Variants in TBC1D19 observed in about 807,000 individuals in gnomAD.
The protein encoded by TBC1D19 is TBC1 domain family member 19.
TBC1D19 carries 60 observed loss-of-function variants against 89.0 expected under a neutral mutation model. That is an observed-to-expected ratio of 0.67 (90% CI 0.55 to 0.84). The LOEUF (loss-of-function observed/expected upper bound fraction) is 0.84, where lower values mean the gene tolerates loss of function less well. Ranked by LOEUF, TBC1D19 falls within the 40% of genes least tolerant of loss-of-function variation. The pLI, the probability that TBC1D19 is intolerant of heterozygous loss-of-function variation, is 0.00. For synonymous variants in TBC1D19, 189 were observed against 199.7 expected (o/e 0.95, Z 0.45); for missense variants, 500 against 610.8 (o/e 0.82, Z 1.91).
intron 13 of TBC1D19, among the ~76,000 whole-genome samples, chr4:26,703,169 A>C (rs1715466360): frequency 6.6e-6 from 1 of 152,212 alleles, no homozygotes; most frequent in Non-Finnish European, 1.5e-5. Flanking sequence ...ACATCTAAGC[A>C]TCTCTCTTTG....
intron 3 of TBC1D19, among the ~76,000 whole-genome samples, chr4:26,615,007 T>G (rs1430967128): frequency 6.6e-6 from 1 of 152,158 alleles, no homozygotes; most frequent in Non-Finnish European, 1.5e-5. Flanking sequence ...AACAATTCAT[T>G]TATCTAGTGT....
At chr4:26,635,179 AT>A (rs1392817335) in intron 4 of TBC1D19, among the ~76,000 whole-genome samples, 4 of 152,094 alleles carry the variant, frequency 2.6e-5, no homozygotes, top group African/African-American at 9.7e-5. Context: ...AATTAGAAGT[AT>A]TTTTTAATAA....
rs982246337 is a variant in TBC1D19 at position 26,666,381 on chromosome 4, G to A, written c.640G>A (p.Asp214Asn). ...CTTAAATATAGGACAACTGGGTATAGATGATTCTACACAAGTGCCTCCTGG... is the reference window on the plus strand; with the variant it reads ...CTTAAATATAGGACAACTGGGTATAAATGATTCTACACAAGTGCCTCCTGG... Reference protein sequence around the residue: ...LGLNIGQLGIDDSTQVPPELF... With the variant: ...LGLNIGQLGINDSTQVPPELF... The change falls in exon 9 of 21, where the codon GAT becomes AAT. Residue 214 changes from aspartate to asparagine, a missense_variant. Coordinates refer to ENST00000264866, the MANE Select transcript of TBC1D19 (RefSeq NM_018317.4). The A allele has an allele frequency of 6.2e-7, 1 of 1,610,538 alleles. No homozygotes were observed. Among genetic ancestry groups the A allele is most frequent in the African/African-American group, 1.3e-5 (1 of 74,818 alleles).
intron 13 of TBC1D19, among the ~76,000 whole-genome samples, chr4:26,712,134 A>T (rs989514545): frequency 6.6e-6 from 1 of 152,140 alleles, no homozygotes; most frequent in African/African-American, 2.4e-5. Flanking sequence ...AGGCAATAGT[A>T]GAAAGTTGTT....
chr4:26,688,108 A>G (rs1713973240), intron 12 of TBC1D19, among the ~76,000 whole-genome samples: 1 of 152,194 alleles, frequency 6.6e-6, no homozygotes, highest in African/African-American at 2.4e-5. Context: ...ATAAAATTGA[A>G]ATAAATATTA....
chr4:26,654,817 G>A (rs184656517), intron 7 of TBC1D19, among the ~76,000 whole-genome samples: 7 of 152,160 alleles, frequency 4.6e-5, no homozygotes, highest in East Asian at 1.9e-4. Flanking sequence ...TGATGGGTTC[G>A]AACTTCCTCC....
At chr4:26,585,591 CT>C (rs571445429) in intron 1 of TBC1D19, among the ~76,000 whole-genome samples, 1 of 149,140 alleles carries the variant, frequency 6.7e-6, no homozygotes, top group Non-Finnish European at 1.5e-5. Context: ...TGTGGATTAT[CT>C]TTTTTTTTTG....
chr4:26,798,365 C>T, the TBC1D19 span, among the ~76,000 whole-genome samples: 2 of 152,242 alleles, frequency 1.3e-5, no homozygotes, highest in East Asian at 3.9e-4. Context: ...CATCTTACAC[C>T]AGTCAGAATG....
chr4:26,853,101 CA>C, the TBC1D19 span, among the ~76,000 whole-genome samples: 2 of 152,208 alleles, frequency 1.3e-5, no homozygotes, highest in African/African-American at 4.8e-5. Flanking sequence ...TCAGTGTTTC[CA>C]AACTCATTCA....
intron 4 of TBC1D19, among the ~76,000 whole-genome samples, chr4:26,632,913 T>A (rs1427439995): frequency 1.3e-5 from 2 of 152,148 alleles, no homozygotes; most frequent in African/African-American, 4.8e-5. Flanking sequence ...GAAGCAGTCA[T>A]CTCCATCAAG....
intron 1 of TBC1D19, among the ~76,000 whole-genome samples, chr4:26,599,193 C>T (rs1740436036): frequency 6.6e-6 from 1 of 152,056 alleles, no homozygotes; most frequent in Non-Finnish European, 1.5e-5. Context: ...ATCTGTGATA[C>T]CAACTTTGCC....
chr4:26,598,928 G>C (rs1257281432), intron 1 of TBC1D19, among the ~76,000 whole-genome samples: 1 of 151,902 alleles, frequency 6.6e-6, no homozygotes, highest in Non-Finnish European at 1.5e-5. Flanking sequence ...TAGAAAATTA[G>C]AAAGTTAGAA....
At chr4:26,775,786 A>G in the TBC1D19 span, among the ~76,000 whole-genome samples, 1 of 152,144 alleles carries the variant, frequency 6.6e-6, no homozygotes, top group African/African-American at 2.4e-5. Context: ...CCTGACAAAT[A>G]AAGGGCTTTC....
intron 13 of TBC1D19, among the ~76,000 whole-genome samples, chr4:26,703,248 T>C (rs1333780297): frequency 6.6e-6 from 1 of 152,244 alleles, no homozygotes; most frequent in African/African-American, 2.4e-5. Flanking sequence ...GGTGATACTT[T>C]TTAATTATTC....
chr4:26,826,508 A>T, the TBC1D19 span, among the ~76,000 whole-genome samples: 1 of 152,236 alleles, frequency 6.6e-6, no homozygotes, highest in East Asian at 1.9e-4. Context: ...AAACAAAGAG[A>T]TCATTCTTAT....
chr4:26,605,228 G>A (rs372440465), intron 1 of TBC1D19, among the ~76,000 whole-genome samples: 13 of 105,214 alleles, frequency 1.2e-4, no homozygotes, highest in African/African-American at 1.9e-4. Context: ...AACAGTCCCC[G>A]GAGTGTGATG....
the TBC1D19 span, among the ~76,000 whole-genome samples, chr4:26,847,793 C>T: frequency 6.6e-6 from 1 of 152,086 alleles, no homozygotes; most frequent in Non-Finnish European, 1.5e-5. Context: ...CAGAGTGGTA[C>T]CTGTAAGGTG....
intron 1 of TBC1D19, among the ~76,000 whole-genome samples, chr4:26,586,481 T>C (rs561379376): frequency 6.6e-6 from 1 of 152,276 alleles, no homozygotes; most frequent in East Asian, 1.9e-4. Flanking sequence ...TTTAGAATCC[T>C]CTTATAAATT....
chr4:26,717,014 A>G (rs1017265127), intron 13 of TBC1D19, among the ~76,000 whole-genome samples: 2 of 152,070 alleles, frequency 1.3e-5, no homozygotes, highest in Non-Finnish European at 2.9e-5. Flanking sequence ...TATAATGAAA[A>G]CAAAGCAGTG....
Sources: allele counts gnomAD v4.1 joint callset (sites outside exome capture counted in the v4.1 genomes callset), GRCh38; gene constraint gnomAD v4.1.1; transcripts MANE v1.5; gene names NCBI Gene and HGNC (gene_info 2026-07-23, HGNC 2026-07-21).